Variants in PARVB observed in about 807,000 individuals in gnomAD.
The protein encoded by PARVB is beta-parvin.
A neutral mutation model predicts 47.0 loss-of-function variants in PARVB; 46 were observed. That is an observed-to-expected ratio of 0.98 (90% CI 0.77 to 1.25). PARVB has a LOEUF of 1.25. Ranked by LOEUF, PARVB falls within the 50% of genes most tolerant of loss-of-function variation. The pLI is 0.00. For missense variants in PARVB, 473 were observed against 471.6 expected, an observed-to-expected ratio of 1.00 and a Z score of -0.03; for synonymous variants, 196 against 196.3, an observed-to-expected ratio of 1.00 and a Z score of 0.01.
In PARVB at chr22:44,172,840, A is replaced by T; in HGVS notation, c.*4162A>T. 1 of 659,346 alleles carries T rather than the reference A, an allele frequency of 1.5e-6. No homozygotes were observed. The highest frequency in any genetic ancestry group is 7.2e-5 in the East Asian group (1 of 13,902). 40.8% of individuals were successfully genotyped at this position (659,346 alleles called of 1,614,324 possible). A position where few individuals can be genotyped will look rare whatever the true frequency, so the allele number is the denominator to read the frequency against. Reference sequence around the variant, plus strand: ...CAAGCGCTTTTCAGGAGCTCACTGCAACACCGGGCAAACACTTCTTCCGCC... The same window carrying T: ...CAAGCGCTTTTCAGGAGCTCACTGCTACACCGGGCAAACACTTCTTCCGCC... On this transcript the variant is annotated 3_prime_UTR_variant, in exon 13 of 13. Transcript: ENST00000338758.
At chr22:44,030,293 C>T (rs1186698387) in intron 1 of PARVB, among the ~76,000 whole-genome samples, 2 of 152,218 alleles carry the variant, frequency 1.3e-5, no homozygotes, top group Admixed American at 6.5e-5. Flanking sequence ...GGTCTCACCA[C>T]CCAGACTTGG....
At chr22:44,136,360 C>T (rs1353521438) in intron 6 of PARVB, 100 bp from the exon 7 acceptor site, 14 of 1,048,070 alleles carry the variant, frequency 1.3e-5, no homozygotes, top group Non-Finnish European at 2.1e-5. Flanking sequence ...TTGCTCTTTT[C>T]TAAGATGATC....
chr22:44,146,769 C>T (rs1446624789), intron 8 of PARVB: 1 of 152,476 alleles, frequency 6.6e-6, no homozygotes, highest in Admixed American at 6.5e-5. Context: ...ACCCCACTCT[C>T]TCCCTGTCAA....
At chr22:44,084,494 G>A (rs887191100) in intron 1 of PARVB, among the ~76,000 whole-genome samples, 68 of 152,332 alleles carry the variant, frequency 4.5e-4, no homozygotes, top group African/African-American at 1.5e-3. Context: ...TGGCCATCCT[G>A]GTGAGAAAGC....
rs534947819 is a variant in PARVB at position 44,100,068 on chromosome 22, G to A, written c.218G>A (p.Arg73His). The change falls in exon 3 of 13, where the codon CGC becomes CAC. Residue 73 changes from arginine (R) to histidine (H), a missense_variant. By Grantham distance (29) the Arg-to-His change is conservative. Transcript: ENST00000338758. ...EDTQLEENEERTMIDPTSKED... is the reference protein window; with the variant it reads ...EDTQLEENEEHTMIDPTSKED... ...TCCCTGGCAGAGGAGAACGAGGAGCGCACGATGATTGACCCCACTTCCAAG... is the reference window on the plus strand; with the variant it reads ...TCCCTGGCAGAGGAGAACGAGGAGCACACGATGATTGACCCCACTTCCAAG... The A allele has an allele frequency of 1.9e-5, 31 of 1,613,910 alleles. No individual in the cohort carries two copies. Among genetic ancestry groups the A allele is most frequent in the Middle Eastern group, 3.3e-4 (2 of 6,062 alleles).
intron 2 of PARVB, among the ~76,000 whole-genome samples, chr22:44,006,661 G>T (rs914791772): frequency 1.3e-5 from 2 of 152,128 alleles, no homozygotes; most frequent in African/African-American, 4.8e-5. Context: ...AGAGTTCCAG[G>T]CCCTGCCCAG....
intron 1 of PARVB, among the ~76,000 whole-genome samples, chr22:44,053,324 C>T (rs552466866): frequency 6.6e-5 from 10 of 152,200 alleles, no homozygotes; most frequent in East Asian, 1.9e-4. Flanking sequence ...CCTCATGATC[C>T]GCCCTCCTTG....
At chr22:44,058,292 C>G (rs1026388779) in intron 1 of PARVB, among the ~76,000 whole-genome samples, 3 of 152,074 alleles carry the variant, frequency 2.0e-5, no homozygotes, top group African/African-American at 4.8e-5. Flanking sequence ...GGACGGTGGG[C>G]AGTCCTGGCA....
At chr22:44,002,867 T>C (rs2050427057) in intron 2 of PARVB, among the ~76,000 whole-genome samples, 1 of 152,192 alleles carries the variant, frequency 6.6e-6, no homozygotes, top group African/African-American at 2.4e-5. Flanking sequence ...GCCAGAGTTG[T>C]AGCTTTATAC....
At position 44,119,065 on chromosome 22, in the gene PARVB, C is replaced by A. The variant is rs1015363180; in HGVS notation, c.301C>A (p.Leu101Met). The A allele has an allele frequency of 6.2e-7, 1 of 1,613,854 alleles. No homozygotes were observed. The highest frequency in any genetic ancestry group is 1.3e-5 in the African/African-American group (1 of 74,920). The change falls in exon 4 of 13, where the codon CTG becomes ATG. Residue 101 changes from leucine (L) to methionine (M), a missense_variant. Leu to Met is a conservative substitution (Grantham distance 15). Transcript: ENST00000338758. ...KVLLDWINDV[L>M]VEERIIVKQL... ...CCTCCTCGACTGGATTAATGACGTGCTGGTGGAGGAGAGGATCATTGTGAA... is the reference window on the plus strand; with the variant it reads ...CCTCCTCGACTGGATTAATGACGTGATGGTGGAGGAGAGGATCATTGTGAA...
chr22:44,101,035 C>G (rs947051234), intron 3 of PARVB, among the ~76,000 whole-genome samples: 4 of 152,218 alleles, frequency 2.6e-5, no homozygotes, highest in Non-Finnish European at 5.9e-5. Flanking sequence ...CACAGTGGAC[C>G]CAATGCTGGG....
At chr22:44,023,371 C>T (rs1181857829), upstream of PARVB, among the ~76,000 whole-genome samples, 3 of 151,786 alleles carry the variant, frequency 2.0e-5, no homozygotes, top group Non-Finnish European at 4.4e-5. Flanking sequence ...ATTACCCGGT[C>T]GTGGTGGCGT....
chr22:44,134,850 C>G (rs1198821271), intron 6 of PARVB, among the ~76,000 whole-genome samples: 1 of 152,216 alleles, frequency 6.6e-6, no homozygotes, highest in Non-Finnish European at 1.5e-5. Flanking sequence ...CCCCATAAAA[C>G]CAAGATTTTA....
chr22:44,095,283 C>T (rs543894711), intron 2 of PARVB, among the ~76,000 whole-genome samples: 4 of 152,090 alleles, frequency 2.6e-5, no homozygotes, highest in South Asian at 4.2e-4. Flanking sequence ...CCAAAGTGGA[C>T]GGATCACTTG....
At chr22:44,160,460 C>T (rs1183508519) in intron 11 of PARVB, among the ~76,000 whole-genome samples, 1 of 152,198 alleles carries the variant, frequency 6.6e-6, no homozygotes, top group East Asian at 1.9e-4. Flanking sequence ...AGGATTTCTG[C>T]CCATGTGGCT....
At chr22:43,999,335 G>T in exon 1 of PARVB, 1 of 1,598,946 alleles carries the variant, frequency 6.3e-7, no homozygotes, top group East Asian at 2.2e-5. Context: ...AGTTAGATGT[G>T]CACAAATGCA....
At chr22:44,041,257 C>G (rs1437922452) in intron 1 of PARVB, among the ~76,000 whole-genome samples, 1 of 150,794 alleles carries the variant, frequency 6.6e-6, no homozygotes, top group African/African-American at 2.4e-5. Context: ...TTTGGGAGGC[C>G]GAGGCGGGTG....
chr22:44,098,490 G>C (rs1323808465), intron 2 of PARVB, among the ~76,000 whole-genome samples: 1 of 152,196 alleles, frequency 6.6e-6, no homozygotes, highest in Non-Finnish European at 1.5e-5. Context: ...AGGCTTCAAG[G>C]AGTGAGGGAA....
At chr22:44,086,669 C>G (rs557017822) in intron 1 of PARVB, 1 of 781,298 alleles carries the variant, frequency 1.3e-6, no homozygotes, top group African/African-American at 1.9e-5. Context: ...TCACTTAGGT[C>G]TTATTTTAAC....
Sources: gnomAD v4.1 joint callset for allele counts (sites outside exome capture counted in the v4.1 genomes callset) on GRCh38, gnomAD v4.1.1 for gene constraint, MANE v1.5 for transcripts, NCBI Gene and HGNC (gene_info 2026-07-23, HGNC 2026-07-21) for gene names.